Variants in TMEM198 observed in about 807,000 individuals in gnomAD.
The protein encoded by TMEM198 is transmembrane protein 198.
A neutral mutation model predicts 31.5 loss-of-function variants in TMEM198; 21 were observed. That is an observed-to-expected ratio of 0.67 (90% CI 0.47 to 0.96). The LOEUF is 0.96. TMEM198 is among the 40% of genes least tolerant of loss of function. The pLI is 0.00. For synonymous variants in TMEM198, 211 were observed against 223.3 expected (o/e 0.95, Z 0.49); for missense variants, 447 against 499.4 (o/e 0.89, Z 1.00).
chr2:219,549,435 G>C lies in TMEM198; in HGVS notation c.945+81G>C, dbSNP rs563659458. On this transcript the variant is annotated intron_variant, in intron 4 of 4. Transcript: ENST00000373883. ...CAAACAGGACTGGGCTTTCCCCACG[G>C]GCTGGTTGCTATCTAGAAGGCCTGT... 200 of 1,492,922 alleles carry C rather than the reference G, an allele frequency of 1.3e-4. No individual in the cohort carries two copies. In the Middle Eastern group the frequency reaches 1.5e-3, roughly 11 times the overall value. The allele number at this position is 1,492,922 out of a possible 1,614,324, so 92.5% of individuals were successfully genotyped here. A position where few individuals can be genotyped will look rare whatever the true frequency, so the allele number is the denominator to read the frequency against.
At position 219,550,278 on chromosome 2, in the gene TMEM198, CT is replaced by C; in HGVS notation, c.*426del. The C allele has an allele frequency of 5.3e-6, 1 of 188,440 alleles. No homozygotes were observed. The highest frequency in any genetic ancestry group is 1.1e-5 in the Non-Finnish European group (1 of 90,578). 11.7% of individuals were successfully genotyped at this position (188,440 alleles called of 1,614,324 possible). ...CTGCATGTCTCCGCGGAGGGGCTAC[CT>C]TCCTTCCCATCGCCCTGCCTCGCAG... On this transcript the variant is annotated 3_prime_UTR_variant, in exon 5 of 5. Coordinates refer to ENST00000373883, the MANE Select transcript of TMEM198 (RefSeq NM_001005209.3).
At position 219,544,310 on chromosome 2, in the gene TMEM198, G is replaced by A. The variant is rs769539377; in HGVS notation, c.-107G>A. On this transcript the variant is annotated 5_prime_UTR_variant, in exon 1 of 5. Coordinates refer to ENST00000373883, the MANE Select transcript of TMEM198 (RefSeq NM_001005209.3). ...AGTCAGTTGGAGCCTCTGGCGCCCC[G>A]CAACCCCGGCCCCTCGGGCCTCTGC... 16 of 471,768 alleles carry A rather than the reference G, an allele frequency of 3.4e-5. No individual in the cohort carries two copies. The highest frequency in any genetic ancestry group is 2.6e-5 in the Non-Finnish European group (6 of 230,760). The allele number at this position is 471,768 out of a possible 1,614,324, so 29.2% of individuals were successfully genotyped here.
Position 219,550,223 on chromosome 2 carries a change from A to C in TMEM198, c.*369A>C. ...TCTCCAGGCTCAGCCCCACCTCTTC[A>C]CTCCCTGCCAAGGTCCCATGGGCCA... On this transcript the variant is annotated 3_prime_UTR_variant, in exon 5 of 5. Coordinates refer to ENST00000373883, the MANE Select transcript of TMEM198 (RefSeq NM_001005209.3). 9.5e-6 allele frequency: 2 copies of C among 211,342 alleles called. No individual in the cohort carries two copies. The highest frequency in any genetic ancestry group is 2.5e-4 in the South Asian group (2 of 7,858). 13.1% of individuals were successfully genotyped at this position (211,342 alleles called of 1,614,324 possible). A position where few individuals can be genotyped will look rare whatever the true frequency, so the allele number is the denominator to read the frequency against.
At chr2:219,549,433 C>T (rs183432189) in intron 4 of TMEM198, 79 bp downstream of exon 4, 67 of 1,500,458 alleles carry the variant, frequency 4.5e-5, no homozygotes, top group Admixed American at 4.3e-4. Context: ...GCTTTCCCCA[C>T]GGGCTGGTTG....
Position 219,549,748 on chromosome 2 carries a change from C to G in TMEM198, c.977C>G (p.Thr326Ser), listed in dbSNP as rs1695505284. The G allele has an allele frequency of 3.1e-6, 5 of 1,614,030 alleles. No individual in the cohort carries two copies. The highest frequency in any genetic ancestry group is 4.2e-6 in the Non-Finnish European group (5 of 1,180,004). The change falls in exon 5 of 5, where the codon ACC becomes AGC. Residue 326 changes from threonine (T) to serine (S), a missense_variant. Physicochemically the swap from Thr to Ser is moderately conservative, Grantham distance 58 (BLOSUM62 1). Transcript: ENST00000373883. ...ATCCAGAGCTTCCGAGACCGGCAGA[C>G]CGGGAGCTCCCTGAGCTCCTTCATG... ...SYIQSFRDRQ[T>S]GSSLSSFMAS...
chr2:219,547,727 G>C lies in TMEM198; in HGVS notation c.388G>C (p.Ala130Pro), dbSNP rs761312509. 1 of 1,586,444 alleles carries C rather than the reference G, an allele frequency of 6.3e-7. No homozygotes were observed. The highest frequency in any genetic ancestry group is 1.7e-5 in the Admixed American group (1 of 59,154). ...LVGLLLGLLL[A>P]AAALLGSAPY... ...GGGGCTGCTGCTCGGCCTGCTGCTC[G>C]CAGCTGCTGCCCTGCTGGGCTCCGC... Residue 130 changes from alanine to proline, a missense_variant, in exon 3 of 5, where the codon GCA becomes CCA. Coordinates refer to ENST00000373883, the MANE Select transcript of TMEM198 (RefSeq NM_001005209.3).
In TMEM198 at chr2:219,547,590, G is replaced by A. The variant is rs757768253; in HGVS notation, c.251G>A (p.Arg84Gln). The A allele has an allele frequency of 4.1e-6, 6 of 1,464,742 alleles. No individual in the cohort carries two copies. The highest frequency in any genetic ancestry group is 1.4e-5 in the African/African-American group (1 of 69,306). 90.7% of individuals were successfully genotyped at this position (1,464,742 alleles called of 1,614,324 possible). ...VVIFLLCYRE[R>Q]VLETQLSAGA... The stretch of plus-strand genomic sequence containing the variant: ...ATCTTCCTCCTCTGCTACCGAGAGC[G>A]GGTGCTAGAGACACAGCTGAGTGCT... Residue 84 changes from arginine (R) to glutamine (Q), a missense_variant, in exon 3 of 5, where the codon CGG becomes CAG. Physicochemically the swap from Arg to Gln is conservative, Grantham distance 43 (BLOSUM62 1). Coordinates refer to ENST00000373883, the MANE Select transcript of TMEM198 (RefSeq NM_001005209.3).
At chr2:219,546,306 C>T (rs1056844881) in intron 2 of TMEM198, among the ~76,000 whole-genome samples, 3 of 152,180 alleles carry the variant, frequency 2.0e-5, no homozygotes, top group Non-Finnish European at 4.4e-5. Context: ...TCTAATGGGC[C>T]TAATGGCCCT....
intron 4 of TMEM198, 147 bp downstream of exon 4, chr2:219,549,501 C>G: frequency 8.0e-7 from 1 of 1,252,146 alleles, no homozygotes; most frequent in Non-Finnish European, 1.1e-6. Context: ...AGCCCATGCA[C>G]CAGGGGCTTG....
chr2:219,547,307 C>T (rs921870430), intron 2 of TMEM198, 199 bp from the exon 3 acceptor site: 5 of 461,118 alleles, frequency 1.1e-5, no homozygotes, highest in African/African-American at 4.0e-5. Context: ...TGACCACCAA[C>T]AGCCATATCT....
upstream of TMEM198, chr2:219,543,948 G>A: frequency 2.9e-6 from 1 of 348,892 alleles, no homozygotes; most frequent in Non-Finnish European, 5.6e-6. Context: ...GGAGTCCCCT[G>A]CCTCCCGCGG....
rs771239094 is a variant in TMEM198 at position 219,547,870 on chromosome 2, C to T, written c.531C>T (p.Ala177=). 10 of 1,590,694 alleles carry T rather than the reference C, an allele frequency of 6.3e-6. No homozygotes were observed. The highest frequency in any genetic ancestry group is 2.2e-5 in the South Asian group (2 of 90,480). Residue 177 remains alanine (A), a synonymous_variant, in exon 3 of 5, where the codon GCC becomes GCT. Transcript: ENST00000373883. ...WPRPLTTLAT[A]VTGAALIATA... ...GCCCACTCACCACCCTGGCCACCGC[C>T]GTGACTGGTGCTGCGCTGATCGCCA...
At chr2:219,543,952 C>T, upstream of TMEM198, 1 of 348,754 alleles carries the variant, frequency 2.9e-6, no homozygotes, top group South Asian at 2.1e-5. Context: ...TCCCCTGCCT[C>T]CCGCGGCGTG....
intron 2 of TMEM198, chr2:219,547,135 T>G (rs1049175298): frequency 5.4e-6 from 1 of 184,518 alleles, no homozygotes; most frequent in African/African-American, 2.3e-5. Flanking sequence ...ATGACTCTTT[T>G]TCTGATCCCC....
At chr2:219,549,637 G>A in intron 4 of TMEM198, 80 bp from the exon 5 acceptor site, 1 of 1,584,250 alleles carries the variant, frequency 6.3e-7, no homozygotes. Flanking sequence ...GAAGTGTCAG[G>A]CTTGTGGGAA....
chr2:219,549,840 C>A lies in TMEM198; in HGVS notation c.1069C>A (p.Pro357Thr), dbSNP rs1241868773. ...RGPLTACSGP[P>T]VRV is the part of the protein sequence containing the mutation. ...ACCTCTGACAGCCTGCTCAGGCCCC[C>A]CAGTGCGGGTATAGCCATATCTGTC... Residue 357 changes from proline (P) to threonine (T), a missense_variant, in exon 5 of 5, where the codon CCA (proline) becomes ACA (threonine). Pro to Thr is a conservative substitution (Grantham distance 38, BLOSUM62 -1). Transcript: ENST00000373883. The A allele has an allele frequency of 6.2e-7, 1 of 1,614,078 alleles. No individual in the cohort carries two copies. Among genetic ancestry groups the A allele is most frequent in the Admixed American group, 1.7e-5 (1 of 60,016 alleles).
Position 219,544,351 on chromosome 2 carries a change from C to A in TMEM198, c.-66C>A, listed in dbSNP as rs1020586344. The A allele has an allele frequency of 2.1e-6, 1 of 480,366 alleles. No homozygotes were observed. 29.8% of individuals were successfully genotyped at this position (480,366 alleles called of 1,614,324 possible). On this transcript the variant is annotated 5_prime_UTR_variant, in exon 1 of 5. Coordinates refer to ENST00000373883, the MANE Select transcript of TMEM198 (RefSeq NM_001005209.3). ...GGGCCTCTGCACAGCCTCTTTCACT[C>A]AGAAGCTCAGGTCGCCTCCAGCCCA...
At chr2:219,548,164 G>C (rs753674438) in intron 3 of TMEM198, 83 bp downstream of exon 3, 312 of 1,281,868 alleles carry the variant, frequency 2.4e-4, no homozygotes, top group Non-Finnish European at 3.1e-4. Context: ...GGGAGTGGGG[G>C]ACAGCAGCAG....
chr2:219,549,765 T>A lies in TMEM198; in HGVS notation c.994T>A (p.Ser332Thr), dbSNP rs1409655692. Residue 332 changes from serine to threonine, a missense_variant, in exon 5 of 5, where the codon TCC (serine) becomes ACC (threonine). By Grantham distance (58) the Ser-to-Thr change is moderately conservative. Coordinates refer to ENST00000373883, the MANE Select transcript of TMEM198 (RefSeq NM_001005209.3). ...RDRQTGSSLSSFMASPTDADY... is the reference protein window; with the variant it reads ...RDRQTGSSLSTFMASPTDADY... ...CCGGCAGACCGGGAGCTCCCTGAGC[T>A]CCTTCATGGCCTCACCCACAGATGC... 27 of 1,613,898 alleles carry A rather than the reference T, an allele frequency of 1.7e-5. No individual in the cohort carries two copies. The highest frequency in any genetic ancestry group is 2.2e-5 in the Non-Finnish European group (26 of 1,179,998).
Sources: gnomAD v4.1 joint callset for allele counts (sites outside exome capture counted in the v4.1 genomes callset) on GRCh38, gnomAD v4.1.1 for gene constraint, MANE v1.5 for transcripts, NCBI Gene and HGNC (gene_info 2026-07-23, HGNC 2026-07-21) for gene names.